The following UBN1 variants were observed in gnomAD, a reference collection of about 807,000 sequenced individuals.
UBN1 encodes the protein ubinuclein-1.
Under a neutral mutation model 108.5 loss-of-function variants are expected in UBN1, and 17 were observed. That is an observed-to-expected ratio of 0.16 (90% CI 0.11 to 0.24). The LOEUF (loss-of-function observed/expected upper bound fraction) is 0.24, where lower values mean the gene tolerates loss of function less well. UBN1 is among the 10% of genes least tolerant of loss of function. The pLI is 1.00. For synonymous variants in UBN1, 726 were observed against 564.2 expected, an observed-to-expected ratio of 1.29 and a Z score of -4.07; for missense variants, 1,595 against 1,394.4, an observed-to-expected ratio of 1.14 and a Z score of -2.29.
In UBN1 at chr16:4,880,011, T is replaced by G. The variant is rs1401532351; in HGVS notation, c.3356-72T>G. The G allele has an allele frequency of 3.2e-6, 5 of 1,548,378 alleles. No homozygotes were observed. In the African/African-American group the frequency reaches 6.8e-5, roughly 21 times the overall value. On this transcript the variant is annotated intron_variant, in intron 17 of 17. Transcript: ENST00000262376. ...CTATTTAGGTGTCTCCCTTGAAGTT[T>G]GGTTACTACTGCCTTAAGGAAATCA...
At chr16:4,849,113 G>T (rs897643669) in intron 1 of UBN1, among the ~76,000 whole-genome samples, 1 of 151,096 alleles carries the variant, frequency 6.6e-6, no homozygotes, top group Non-Finnish European at 1.5e-5. Flanking sequence ...CCGCCAAAAA[G>T]AAAAAAGAAA....
intron 5 of UBN1, 80 bp from the exon 6 acceptor site, chr16:4,859,785 G>A (rs572908363): frequency 3.2e-6 from 5 of 1,586,034 alleles, no homozygotes; most frequent in Middle Eastern, 1.7e-4. Context: ...TGCCCCGGGC[G>A]GAGCAAGGCC....
chr16:4,870,085 T>C (rs1241215892), intron 8 of UBN1, 127 bp from the exon 9 acceptor site: 68 of 1,385,662 alleles, frequency 4.9e-5, no homozygotes, highest in East Asian at 2.6e-4. Context: ...TTCAGTTACA[T>C]TGTGTGACCA....
At chr16:4,856,760 C>T (rs2086829549) in intron 2 of UBN1, among the ~76,000 whole-genome samples, 1 of 152,214 alleles carries the variant, frequency 6.6e-6, no homozygotes, top group Admixed American at 6.5e-5. Flanking sequence ...AGTTACATAA[C>T]CACTCAAGTT....
chr16:4,865,433 T>C (rs947736677), intron 7 of UBN1, among the ~76,000 whole-genome samples: 1 of 151,882 alleles, frequency 6.6e-6, no homozygotes, highest in Non-Finnish European at 1.5e-5. Flanking sequence ...GTAATCGCAG[T>C]ACTTTGGGAG....
chr16:4,866,128 A>C (rs141308477), intron 7 of UBN1, among the ~76,000 whole-genome samples: 78 of 152,342 alleles, frequency 5.1e-4, no homozygotes, highest in African/African-American at 1.9e-3. Flanking sequence ...AGCTTAAGCA[A>C]AAAAAGTTCA....
chr16:4,852,815 A>T, intron 1 of UBN1, 64 bp from the exon 2 acceptor site: 1 of 1,401,272 alleles, frequency 7.1e-7, no homozygotes, highest in Non-Finnish European at 9.6e-7. Context: ...AAATCTCTTT[A>T]ATTAGGCAGG....
In UBN1 at chr16:4,874,401, A is replaced by G; in HGVS notation, c.1991A>G (p.Asp664Gly). 1 of 1,613,710 alleles carries G rather than the reference A, an allele frequency of 6.2e-7. No homozygotes were observed. The highest frequency in any genetic ancestry group is 8.5e-7 in the Non-Finnish European group (1 of 1,179,936). Residue 664 changes from aspartate to glycine, a missense_variant, in exon 15 of 18, where the codon GAC (aspartate) becomes GGC (glycine). By Grantham distance (94) the Asp-to-Gly change is moderately conservative. Transcript: ENST00000262376. ...AACCTGGAGGACTCATTGGATGAAGACTTGATCCGCAATCCAGCCTCCTCG... is the reference window on the plus strand; with the variant it reads ...AACCTGGAGGACTCATTGGATGAAGGCTTGATCCGCAATCCAGCCTCCTCG... ...PVNLEDSLDE[D>G]LIRNPASSVE... is the part of the protein sequence containing the mutation.
Position 4,880,189 on chromosome 16 carries a change from C to G in UBN1, c.*57C>G. The G allele has an allele frequency of 6.3e-7, 1 of 1,575,304 alleles. No individual in the cohort carries two copies. The highest frequency in any genetic ancestry group is 8.7e-7 in the Non-Finnish European group (1 of 1,145,146). Reference sequence around the variant, plus strand: ...CTGGGTGGAATCAGAACGTGCAGGTCTCCCAGGATGTACACTCACTGCGCC... The same window carrying G: ...CTGGGTGGAATCAGAACGTGCAGGTGTCCCAGGATGTACACTCACTGCGCC... On this transcript the variant is annotated 3_prime_UTR_variant, in exon 18 of 18. Transcript: ENST00000262376.
At chr16:4,876,805 A>C (rs1463682085) in intron 15 of UBN1, 66 bp from the exon 16 acceptor site, 13 of 1,519,810 alleles carry the variant, frequency 8.6e-6, no homozygotes, top group Non-Finnish European at 1.1e-5. Flanking sequence ...TTGTGTTGCC[A>C]GGTTTGGTGT....
intron 2 of UBN1, 141 bp downstream of exon 2, chr16:4,853,307 A>G (rs1188467253): frequency 3.9e-5 from 47 of 1,203,266 alleles, no homozygotes; most frequent in Non-Finnish European, 6.8e-6. Flanking sequence ...CAAGGCAAGC[A>G]CAAGATTTGC....
At chr16:4,855,558 G>A (rs1450570521) in intron 2 of UBN1, among the ~76,000 whole-genome samples, 1 of 147,680 alleles carries the variant, frequency 6.8e-6, no homozygotes, top group African/African-American at 2.5e-5. Context: ...CAAGGTTGCA[G>A]TGAGCCGTGA....
Position 4,859,045 on chromosome 16 carries a change from T to C in UBN1, c.453T>C (p.Ala151=), listed in dbSNP as rs1183358258. The stretch of plus-strand genomic sequence containing the variant: ...TTCAGTATGATGAGCTTGTTCCTGC[T>C]TCTTTGACTACGAAGTATGGAGGAT... ...NSEAYDELVP[A]SLTTKYGGFY... Residue 151 remains alanine, a synonymous_variant, in exon 5 of 18, where the codon GCT becomes GCC. Transcript: ENST00000262376. 3 of 1,614,020 alleles carry C rather than the reference T, an allele frequency of 1.9e-6. No homozygotes were observed. The highest frequency in any genetic ancestry group is 2.2e-5 in the South Asian group (2 of 91,014).
At chr16:4,868,739 T>C in intron 7 of UBN1, 94 bp from the exon 8 acceptor site, 2 of 1,241,454 alleles carry the variant, frequency 1.6e-6, no homozygotes, top group South Asian at 2.7e-5. Flanking sequence ...TGACAGGTGC[T>C]CTTTATGGAG....
In UBN1 at chr16:4,876,975, G is replaced by A; in HGVS notation, c.3129G>A (p.Leu1043=). The change falls in exon 16 of 18, where the codon TTG becomes TTA. Residue 1043 remains leucine, a synonymous_variant. Transcript: ENST00000262376. ...CTGGGGCCATGAGCTCGAACTCCTT[G>A]GGAATTATAACCCCTGTCCCTATTC... ...KLSGAMSSNS[L]GIITPVPIPV... The A allele has an allele frequency of 2.5e-6, 4 of 1,614,178 alleles. No individual in the cohort carries two copies. Among genetic ancestry groups the A allele is most frequent in the Non-Finnish European group, 3.4e-6 (4 of 1,180,032 alleles).
At position 4,860,846 on chromosome 16, in the gene UBN1, C is replaced by A. The variant is rs1201579345; in HGVS notation, c.854C>A (p.Ala285Asp). 1.2e-6 allele frequency: 2 copies of A among 1,614,274 alleles called. No individual in the cohort carries two copies. The highest frequency in any genetic ancestry group is 3.3e-5 in the Admixed American group (2 of 60,038). Reference sequence around the variant, plus strand: ...CAGGGCCTGCGGGAACTGGAGGGTGCCTCTGACCCCTTGCTCTCACTCTTT... The same window carrying A: ...CAGGGCCTGCGGGAACTGGAGGGTGACTCTGACCCCTTGCTCTCACTCTTT... ...EAQGLRELEG[A>D]SDPLLSLFGS... Residue 285 changes from alanine to aspartate, a missense_variant, in exon 7 of 18, where the codon GCC becomes GAC. Ala to Asp is a moderately radical substitution (Grantham distance 126). This residue lies in a region of UBN1 where 1,398 missense variants were observed against 1,194.7 expected (regional missense o/e 1.17). Transcript: ENST00000262376.
chr16:4,863,622 C>G (rs763950518), intron 7 of UBN1, among the ~76,000 whole-genome samples: 4 of 152,126 alleles, frequency 2.6e-5, no homozygotes, highest in Non-Finnish European at 5.9e-5. Context: ...TTTTCCCCCC[C>G]TTTTCCCTCT....
At chr16:4,862,633 A>T (rs2087120578) in intron 7 of UBN1, among the ~76,000 whole-genome samples, 1 of 152,232 alleles carries the variant, frequency 6.6e-6, no homozygotes, top group Admixed American at 6.5e-5. Context: ...CTATGTGACG[A>T]TAGATGGTCG....
chr16:4,855,085 T>C (rs2086739106), intron 2 of UBN1, among the ~76,000 whole-genome samples: 1 of 152,006 alleles, frequency 6.6e-6, no homozygotes, highest in South Asian at 2.1e-4. Context: ...GAGGAAAAGG[T>C]AAGTGGGCCC....
Sources: allele counts gnomAD v4.1 joint callset (sites outside exome capture counted in the v4.1 genomes callset), GRCh38; gene constraint gnomAD v4.1.1; regional missense constraint gnomAD v4.1.1; transcripts MANE v1.5; gene names NCBI Gene and HGNC (gene_info 2026-07-23, HGNC 2026-07-21).